TENM3: variants seen among roughly 807,000 people sequenced by gnomAD.
TENM3 encodes the protein teneurin-3.
In TENM3, 63 loss-of-function variants were observed where a neutral mutation model predicts 255.1. That is an observed-to-expected ratio of 0.25 (90% CI 0.20 to 0.30). TENM3 has a LOEUF of 0.30. TENM3 is among the 10% of genes least tolerant of loss of function. TENM3 has a pLI of 1.00. For synonymous variants in TENM3, 1,306 were observed against 1,322.3 expected, an observed-to-expected ratio of 0.99 and a Z score of 0.27; for missense variants, 2,929 against 3,461.1, an observed-to-expected ratio of 0.85 and a Z score of 3.86.
chr4:181,864,889 C>T, the TENM3 span, among the ~76,000 whole-genome samples: 9 of 152,274 alleles, frequency 5.9e-5, no homozygotes, highest in South Asian at 2.1e-4. Context: ...TAGCAAACCG[C>T]GTCTTTCATT....
chr4:181,995,100 C>T, the TENM3 span, among the ~76,000 whole-genome samples: 2 of 152,034 alleles, frequency 1.3e-5, no homozygotes, highest in African/African-American at 4.8e-5. Flanking sequence ...ACTAGCCTAG[C>T]CAACACGGTG....
intron 3 of TENM3, among the ~76,000 whole-genome samples, chr4:182,383,563 C>T (rs1015882419): frequency 6.6e-6 from 1 of 152,012 alleles, no homozygotes; most frequent in African/African-American, 2.4e-5. Context: ...TTCTATTGAT[C>T]CTGTCACCCA....
At chr4:181,641,272 T>C in the TENM3 span, among the ~76,000 whole-genome samples, 2 of 151,674 alleles carry the variant, frequency 1.3e-5, no homozygotes, top group South Asian at 2.1e-4. Flanking sequence ...TGCCATGGTG[T>C]TTGCTGCACC....
chr4:181,513,914 C>A, the TENM3 span, among the ~76,000 whole-genome samples: 1 of 152,182 alleles, frequency 6.6e-6, no homozygotes, highest in African/African-American at 2.4e-5. Context: ...GACAGGTTTT[C>A]TTTTATTCCT....
chr4:181,807,058 T>C, the TENM3 span, among the ~76,000 whole-genome samples: 1 of 152,200 alleles, frequency 6.6e-6, no homozygotes, highest in Non-Finnish European at 1.5e-5. Context: ...TGCTGTTCTT[T>C]CTAGGAAGTT....
rs575643869 is a variant in TENM3, at chr4:182,168,034, C to T, written c.-76+23280C>T. On this transcript the variant is annotated intron_variant, in intron 1 of 2. Transcript: ENST00000512480. ...TTTCTGTTCATCCCGTCACACCTCT[C>T]GATTAGAGCTAGGTGAGTTACATGT... 1.6e-4 allele frequency among the ~76,000 whole-genome samples: 24 copies of T among 152,268 alleles called. No individual in the cohort carries two copies. The South Asian group carries it at 1.7e-3, about 11-fold the overall frequency.
chr4:181,876,467 T>A, the TENM3 span, among the ~76,000 whole-genome samples: 2 of 152,182 alleles, frequency 1.3e-5, no homozygotes, highest in African/African-American at 4.8e-5. Context: ...GGTGCTGTAA[T>A]ACGTTTCCTC....
intron 3 of TENM3, among the ~76,000 whole-genome samples, chr4:182,362,552 C>T (rs564540474): frequency 9.2e-5 from 14 of 152,252 alleles, no homozygotes; most frequent in African/African-American, 1.4e-4. Flanking sequence ...TCTCCTGGTG[C>T]GCCGTTTTTT....
the TENM3 span, among the ~76,000 whole-genome samples, chr4:181,880,436 T>C: frequency 6.6e-6 from 1 of 152,170 alleles, no homozygotes; most frequent in African/African-American, 2.4e-5. Flanking sequence ...CATTAAAAAT[T>C]GATACAGAAA....
the TENM3 span, among the ~76,000 whole-genome samples, chr4:181,761,544 T>C: frequency 6.6e-6 from 1 of 152,164 alleles, no homozygotes. Flanking sequence ...TTCAACCTAC[T>C]TCTCCACAAC....
intron 1 of TENM3, among the ~76,000 whole-genome samples, chr4:182,278,441 GT>G (rs943583108): frequency 1.1e-4 from 16 of 152,220 alleles, no homozygotes; most frequent in Non-Finnish European, 1.6e-4. Context: ...ACCTCTTTGA[GT>G]TTCTGTTTCC....
chr4:182,290,782 G>T (rs7698735), intron 1 of TENM3, among the ~76,000 whole-genome samples: 2 of 148,134 alleles, frequency 1.4e-5, no homozygotes, highest in Non-Finnish European at 3.0e-5. Flanking sequence ...GGATTACAGG[G>T]GTGAGCCACC....
intron 13 of TENM3, among the ~76,000 whole-genome samples, chr4:182,719,512 G>A (rs1759522407): frequency 6.6e-6 from 1 of 151,828 alleles, no homozygotes; most frequent in Non-Finnish European, 1.5e-5. Flanking sequence ...GCCCCCCTCG[G>A]CCTCCCAAAG....
At chr4:182,285,493 T>A (rs1760676235) in intron 1 of TENM3, among the ~76,000 whole-genome samples, 1 of 152,202 alleles carries the variant, frequency 6.6e-6, no homozygotes, top group Admixed American at 6.5e-5. Context: ...GTTCTTGCTC[T>A]TAAGTTCTCA....
Position 182,800,003 on chromosome 4 carries a change from G to A in TENM3, c.7752G>A (p.Thr2584=), listed in dbSNP as rs1482411063. The A allele has an allele frequency of 6.3e-7, 1 of 1,593,658 alleles. No homozygotes were observed. Among genetic ancestry groups the A allele is most frequent in the Admixed American group, 1.7e-5 (1 of 57,174 alleles). The change falls in exon 28 of 28, where the codon ACG becomes ACA. Residue 2584 remains threonine, a synonymous_variant. Coordinates refer to ENST00000511685, the MANE Select transcript of TENM3 (RefSeq NM_001080477.4). ...GINVTVSQST[T]VVNGRTRRFA... is the part of the protein sequence containing the mutation. ...ACGTGACGGTGTCGCAGTCCACCAC[G>A]GTGGTGAACGGCAGGACGCGCAGGT...
At chr4:181,731,233 T>A in the TENM3 span, among the ~76,000 whole-genome samples, 7 of 152,216 alleles carry the variant, frequency 4.6e-5, no homozygotes, top group African/African-American at 1.7e-4. Flanking sequence ...TAGGTAAATG[T>A]GCTATTTTTT....
chr4:182,084,192 TG>T, the TENM3 span, among the ~76,000 whole-genome samples: 1 of 152,016 alleles, frequency 6.6e-6, no homozygotes, highest in African/African-American at 2.4e-5. Flanking sequence ...AGCTGCTTGC[TG>T]GGGGGAAAAA....
the TENM3 span, among the ~76,000 whole-genome samples, chr4:181,903,149 T>C: frequency 3.3e-5 from 5 of 152,152 alleles, no homozygotes; most frequent in Non-Finnish European, 7.4e-5. Context: ...GGGATCCTAT[T>C]CACCACACTC....
chr4:182,702,107 T>C (rs992435658), intron 12 of TENM3, among the ~76,000 whole-genome samples: 7 of 152,204 alleles, frequency 4.6e-5, no homozygotes, highest in South Asian at 2.1e-4. Flanking sequence ...TCAAATAAAA[T>C]TACTAGTGAA....
Sources: gnomAD v4.1 joint callset for allele counts (sites outside exome capture counted in the v4.1 genomes callset) on GRCh38, gnomAD v4.1.1 for gene constraint, MANE v1.5 for transcripts, NCBI Gene and HGNC (gene_info 2026-07-23, HGNC 2026-07-21) for gene names.